CPNE4: variants seen among roughly 807,000 people sequenced by gnomAD.
CPNE4 encodes the protein copine 4.
CPNE4 carries 25 observed loss-of-function variants against 67.9 expected under a neutral mutation model. The observed-to-expected ratio is 0.37, with a 90% CI of 0.27 to 0.51. The LOEUF (loss-of-function observed/expected upper bound fraction) is 0.51. Ranked by LOEUF, CPNE4 falls within the 20% of genes least tolerant of loss-of-function variation. The pLI is 0.93. For synonymous variants in CPNE4, 242 were observed against 244.9 expected (o/e 0.99, Z 0.11); for missense variants, 464 against 690.8 (o/e 0.67, Z 3.68).
chr3:131,952,337 G>A (rs1049181571), intron 1 of CPNE4, among the ~76,000 whole-genome samples: 8 of 149,176 alleles, frequency 5.4e-5, no homozygotes, highest in East Asian at 4.1e-4. Context: ...CAACCACCCC[G>A]TCTGAGAAGT....
intron 1 of CPNE4, among the ~76,000 whole-genome samples, chr3:131,929,403 T>G (rs1299437513): frequency 6.6e-6 from 1 of 152,054 alleles, no homozygotes. Context: ...CCTCCAAAAC[T>G]TTTTCACCCT....
At chr3:131,583,785 A>G (rs1489303288) in intron 8 of CPNE4, among the ~76,000 whole-genome samples, 1 of 152,136 alleles carries the variant, frequency 6.6e-6, no homozygotes, top group Non-Finnish European at 1.5e-5. Context: ...ACTATGGGCT[A>G]TGCACTTTAC....
intron 1 of CPNE4, among the ~76,000 whole-genome samples, chr3:131,911,337 A>G (rs139412239): frequency 3.9e-5 from 6 of 152,178 alleles, no homozygotes; most frequent in Non-Finnish European, 7.4e-5. Context: ...TGAACCTCAG[A>G]TGTGACAGCA....
intron 1 of CPNE4, among the ~76,000 whole-genome samples, chr3:131,988,466 T>C (rs1302883869): frequency 3.3e-5 from 5 of 152,146 alleles, no homozygotes; most frequent in African/African-American, 1.2e-4. Flanking sequence ...AGAGGGTCAG[T>C]CTAGTAGACC....
chr3:131,611,344 A>C (rs1409982423), intron 7 of CPNE4, among the ~76,000 whole-genome samples: 3 of 152,202 alleles, frequency 2.0e-5, no homozygotes, highest in African/African-American at 7.2e-5. Context: ...GCCCAAGAGT[A>C]ATATGTAATT....
intron 2 of CPNE4, among the ~76,000 whole-genome samples, chr3:131,886,168 T>G (rs2087882405): frequency 6.6e-6 from 1 of 152,224 alleles, no homozygotes. Flanking sequence ...CTGAGCCGTG[T>G]GCAGCCTAGG....
intron 3 of CPNE4, among the ~76,000 whole-genome samples, chr3:131,703,016 G>C (rs1319371397): frequency 6.6e-6 from 1 of 152,196 alleles, no homozygotes; most frequent in African/African-American, 2.4e-5. Flanking sequence ...TGATGGACAA[G>C]AAATGAGTTG....
intron 1 of CPNE4, among the ~76,000 whole-genome samples, chr3:131,961,501 C>T (rs1239241753): frequency 6.6e-6 from 1 of 152,186 alleles, no homozygotes; most frequent in Non-Finnish European, 1.5e-5. Flanking sequence ...CACAGGGTGA[C>T]TGTGCTAAGA....
chr3:131,749,600 T>C (rs2107794318), intron 2 of CPNE4, among the ~76,000 whole-genome samples: 1 of 152,294 alleles, frequency 6.6e-6, no homozygotes, highest in South Asian at 2.1e-4. Flanking sequence ...CTTTCAATTC[T>C]TTCTGATTTT....
intron 3 of CPNE4, among the ~76,000 whole-genome samples, chr3:131,719,158 T>C (rs2081817142): frequency 6.6e-6 from 1 of 152,208 alleles, no homozygotes; most frequent in Non-Finnish European, 1.5e-5. Flanking sequence ...CACTTGCTGC[T>C]CATTTGCTTC....
chr3:131,903,950 G>C (rs138784179), intron 2 of CPNE4, among the ~76,000 whole-genome samples: 7 of 152,056 alleles, frequency 4.6e-5, no homozygotes, highest in Non-Finnish European at 8.8e-5. Flanking sequence ...CACTGGGTCC[G>C]TGATCAGTTA....
At chr3:131,971,672 T>A (rs1437341571) in intron 1 of CPNE4, among the ~76,000 whole-genome samples, 2 of 152,178 alleles carry the variant, frequency 1.3e-5, no homozygotes, top group African/African-American at 4.8e-5. Context: ...GTCTGGTCTC[T>A]AAGGGTACCT....
chr3:131,630,228 C>T, intron 7 of CPNE4, among the ~76,000 whole-genome samples: 1 of 152,332 alleles, frequency 6.6e-6, no homozygotes, highest in South Asian at 2.1e-4. Flanking sequence ...TCTTGATGAT[C>T]AGATCTACTG....
chr3:131,955,319 T>C (rs1347287805), intron 1 of CPNE4, among the ~76,000 whole-genome samples: 1 of 151,850 alleles, frequency 6.6e-6, no homozygotes, highest in Non-Finnish European at 1.5e-5. Context: ...TCTTTCTTAG[T>C]TGGTTAAGAG....
chr3:131,598,852 C>G lies in CPNE4; in HGVS notation c.682-11270G>C, dbSNP rs577991583. Among the ~76,000 whole-genome samples the G allele has an allele frequency of 5.8e-3, 867 of 148,960 alleles. 48 individuals are homozygous for G. Among genetic ancestry groups the G allele is most frequent in the African/African-American group, 0.02 (803 of 39,844 alleles). On this transcript the variant is annotated intron_variant, in intron 7 of 15. Transcript: ENST00000429747. ...CACTCTTTAAAATTGTCCCCCCACC[C>G]CCCCGCCAAAAAAAAATTACCCAAA...
chr3:131,736,340 G>A lies in CPNE4; in HGVS notation c.181-12715C>T, dbSNP rs546595839. On this transcript the variant is annotated intron_variant, in intron 2 of 15. Coordinates refer to ENST00000429747, the MANE Select transcript of CPNE4 (RefSeq NM_130808.3). ...AGTTAATGTAAAAGTTGAAGCTACTGTCTGGGCATGGTGGCTCACGCCTGT... is the reference window on the plus strand; with the variant it reads ...AGTTAATGTAAAAGTTGAAGCTACTATCTGGGCATGGTGGCTCACGCCTGT... 7.9e-5 allele frequency among the ~76,000 whole-genome samples: 12 copies of A among 152,322 alleles called. No individual in the cohort carries two copies. In the South Asian group the frequency reaches 2.5e-3, roughly 32 times the overall value.
chr3:131,583,240 C>T (rs916598380), intron 8 of CPNE4, among the ~76,000 whole-genome samples: 3 of 152,084 alleles, frequency 2.0e-5, no homozygotes, highest in Non-Finnish European at 4.4e-5. Flanking sequence ...TCTTTCTTTC[C>T]TCCCTCAGAT....
At chr3:131,736,371 C>T (rs1397577830) in intron 2 of CPNE4, among the ~76,000 whole-genome samples, 2 of 151,942 alleles carry the variant, frequency 1.3e-5, no homozygotes, top group Non-Finnish European at 2.9e-5. Context: ...CCTGTAATCC[C>T]AGCACTTTGG....
intron 1 of CPNE4, among the ~76,000 whole-genome samples, chr3:132,012,996 G>T (rs1583597439): frequency 6.6e-6 from 1 of 152,216 alleles, no homozygotes. Flanking sequence ...GCTGAGGCGG[G>T]TGGATCAGCT....
Sources: allele counts gnomAD v4.1 joint callset (sites outside exome capture counted in the v4.1 genomes callset), GRCh38; gene constraint gnomAD v4.1.1; transcripts MANE v1.5; gene names NCBI Gene and HGNC (gene_info 2026-07-23, HGNC 2026-07-21).